LCLAT1: variants seen among roughly 807,000 people sequenced by gnomAD.
LCLAT1 encodes the protein 1-AGP acyltransferase 8.
In LCLAT1, 11 loss-of-function variants were observed where a neutral mutation model predicts 30.7. The ratio of observed to expected loss-of-function variants is 0.36; its 90% CI spans 0.23 to 0.59. LCLAT1 has a LOEUF of 0.59. Ranked by LOEUF, LCLAT1 falls within the 20% of genes least tolerant of loss-of-function variation. The pLI is 0.77. For missense variants in LCLAT1, 402 were observed against 458.6 expected, an observed-to-expected ratio of 0.88 and a Z score of 1.13; for synonymous variants, 155 against 151.3, an observed-to-expected ratio of 1.02 and a Z score of -0.18.
intron 5 of LCLAT1, among the ~76,000 whole-genome samples, chr2:30,588,497 C>G (rs918674435): frequency 2.0e-5 from 3 of 152,152 alleles, no homozygotes; most frequent in Non-Finnish European, 2.9e-5. Flanking sequence ...CAGTTAGGAG[C>G]CAGAATTCCT....
intron 5 of LCLAT1, among the ~76,000 whole-genome samples, chr2:30,604,619 G>T (rs1667341371): frequency 7.3e-6 from 1 of 136,606 alleles, no homozygotes; most frequent in East Asian, 2.2e-4. Flanking sequence ...CCGAGATCGT[G>T]CCACTGCACT....
chr2:30,471,331 T>C (rs536590917), intron 1 of LCLAT1, among the ~76,000 whole-genome samples: 1 of 152,242 alleles, frequency 6.6e-6, no homozygotes, highest in East Asian at 1.9e-4. Context: ...TGCCTCAGCC[T>C]CCTGAGTAGC....
chr2:30,576,769 C>T (rs1020952114), intron 5 of LCLAT1, among the ~76,000 whole-genome samples: 8 of 152,008 alleles, frequency 5.3e-5, no homozygotes, highest in Middle Eastern at 3.4e-3. Flanking sequence ...AAAGTCTGTG[C>T]CTTTTCTTTT....
At position 30,642,410 on chromosome 2, in the gene LCLAT1, T is replaced by C. The variant is rs1413733183; in HGVS notation, c.*1791T>C. On this transcript the variant is annotated 3_prime_UTR_variant, in exon 6 of 6. Transcript: ENST00000379509. Reference sequence around the variant, plus strand: ...TTTTCTTTTTCTTTTCTTTTTTTTTTTTTTTTTTTAAAAAAGCACCTTTTT... The same window carrying C: ...TTTTCTTTTTCTTTTCTTTTTTTTTCTTTTTTTTTAAAAAAGCACCTTTTT... 1 of 149,244 alleles carries C rather than the reference T, an allele frequency of 6.7e-6. No individual in the cohort carries two copies. Among genetic ancestry groups the C allele is most frequent in the Non-Finnish European group, 1.5e-5 (1 of 67,770 alleles). The allele number at this position is 149,244 out of a possible 1,614,324, so 9.2% of individuals were successfully genotyped here. A position where few individuals can be genotyped will look rare whatever the true frequency, so the allele number is the denominator to read the frequency against.
At chr2:30,484,919 G>GTATGC in intron 1 of LCLAT1, among the ~76,000 whole-genome samples, 1 of 151,986 alleles carries the variant, frequency 6.6e-6, no homozygotes, top group East Asian at 1.9e-4. Flanking sequence ...ATATGTTATG[G>GTATGC]TATGCTATGG....
At chr2:30,520,021 G>C (rs557159685) in intron 1 of LCLAT1, among the ~76,000 whole-genome samples, 2 of 152,310 alleles carry the variant, frequency 1.3e-5, no homozygotes, top group African/African-American at 4.8e-5. Context: ...CATTGTTTCT[G>C]TGCGGCTAAG....
intron 3 of LCLAT1, among the ~76,000 whole-genome samples, chr2:30,537,914 T>C (rs1663871569): frequency 6.6e-6 from 1 of 152,042 alleles, no homozygotes; most frequent in Non-Finnish European, 1.5e-5. Context: ...AGTTAGAAAT[T>C]AATAACAAGA....
At chr2:30,544,821 A>C (rs1664322532) in intron 3 of LCLAT1, among the ~76,000 whole-genome samples, 1 of 152,098 alleles carries the variant, frequency 6.6e-6, no homozygotes, top group Admixed American at 6.5e-5. Flanking sequence ...TTTTTCCTTC[A>C]CTACTGAGTG....
At chr2:30,619,174 C>T (rs925729709) in intron 5 of LCLAT1, among the ~76,000 whole-genome samples, 1 of 152,154 alleles carries the variant, frequency 6.6e-6, no homozygotes, top group Non-Finnish European at 1.5e-5. Flanking sequence ...GGTTGAGAAC[C>T]ACTGGTTTTG....
chr2:30,449,864 T>C (rs1268745640), intron 1 of LCLAT1, among the ~76,000 whole-genome samples: 1 of 152,208 alleles, frequency 6.6e-6, no homozygotes, highest in Non-Finnish European at 1.5e-5. Context: ...TTATTACATT[T>C]TTTAAAAGAA....
At chr2:30,602,496 G>A (rs922426516) in intron 5 of LCLAT1, among the ~76,000 whole-genome samples, 2 of 152,130 alleles carry the variant, frequency 1.3e-5, no homozygotes, top group African/African-American at 4.8e-5. Context: ...TGCCATCATT[G>A]ACTGAGATCC....
intron 5 of LCLAT1, among the ~76,000 whole-genome samples, chr2:30,599,448 G>GT (rs1455682224): frequency 5.3e-5 from 8 of 152,218 alleles, no homozygotes; most frequent in Non-Finnish European, 1.5e-5. Flanking sequence ...ATATTCTGTT[G>GT]TTTTGTGGTG....
At chr2:30,524,603 A>C (rs1023850888) in intron 1 of LCLAT1, among the ~76,000 whole-genome samples, 1 of 152,212 alleles carries the variant, frequency 6.6e-6, no homozygotes, top group Non-Finnish European at 1.5e-5. Context: ...CTCTCGTCGC[A>C]TCCAGGACGT....
intron 5 of LCLAT1, among the ~76,000 whole-genome samples, chr2:30,630,303 G>A (rs565692230): frequency 3.0e-4 from 45 of 152,110 alleles, no homozygotes; most frequent in African/African-American, 1.1e-3. Context: ...TCACATTGGG[G>A]GTTAGGGCAT....
At chr2:30,478,683 A>AGG (rs1553357918) in intron 1 of LCLAT1, among the ~76,000 whole-genome samples, 49 of 94,742 alleles carry the variant, frequency 5.2e-4, no homozygotes, top group African/African-American at 2.1e-3. Flanking sequence ...AAATAAATAG[A>AGG]TAGATAGGTA....
At chr2:30,447,797 A>G (rs1054750971) in intron 1 of LCLAT1, among the ~76,000 whole-genome samples, 6 of 152,290 alleles carry the variant, frequency 3.9e-5, no homozygotes, top group Middle Eastern at 3.4e-3. Context: ...ACCCTGTTAA[A>G]TCCCATGCAC....
intron 5 of LCLAT1, among the ~76,000 whole-genome samples, chr2:30,639,446 T>C (rs961055750): frequency 3.3e-5 from 5 of 151,388 alleles, no homozygotes; most frequent in African/African-American, 9.7e-5. Flanking sequence ...GATCAGGGTC[T>C]TACTTGGAGT....
chr2:30,630,289 A>G (rs962863625), intron 5 of LCLAT1, among the ~76,000 whole-genome samples: 1 of 152,178 alleles, frequency 6.6e-6, no homozygotes, highest in African/African-American at 2.4e-5. Context: ...ATCTCCAAGT[A>G]TAGTCACATT....
At chr2:30,550,791 C>A (rs576138381) in intron 3 of LCLAT1, among the ~76,000 whole-genome samples, 2 of 152,264 alleles carry the variant, frequency 1.3e-5, no homozygotes, top group African/African-American at 4.8e-5. Context: ...AGCTCTACTT[C>A]CTGGAGTGCA....
Sources: allele counts gnomAD v4.1 joint callset (sites outside exome capture counted in the v4.1 genomes callset), GRCh38; gene constraint gnomAD v4.1.1; transcripts MANE v1.5; gene names NCBI Gene and HGNC (gene_info 2026-07-23, HGNC 2026-07-21).